AK4: variants seen among roughly 807,000 people sequenced by gnomAD.
AK4 encodes adenylate kinase 4, mitochondrial.
A neutral mutation model predicts 24.6 loss-of-function variants in AK4; 13 were observed. That is an observed-to-expected ratio of 0.53 (90% CI 0.34 to 0.84). The LOEUF (loss-of-function observed/expected upper bound fraction) is 0.84, where lower values mean the gene tolerates loss of function less well. AK4 is among the 40% of genes least tolerant of loss of function. The probability of loss-of-function intolerance (pLI) is 0.01; values close to 1 mark genes in which losing one functional copy is unlikely to be tolerated. For missense variants in AK4, 192 were observed against 288.2 expected (o/e 0.67, Z 2.42); for synonymous variants, 88 against 107.0 (o/e 0.82, Z 1.10).
At chr1:65,216,469 C>G (rs79505121) in intron 2 of AK4, among the ~76,000 whole-genome samples, 511 of 152,272 alleles carry the variant, frequency 3.4e-3, no homozygotes, top group Middle Eastern at 0.014. Context: ...CCCTCCCTGC[C>G]TCCCGCTTCC....
intron 3 of AK4, among the ~76,000 whole-genome samples, chr1:65,219,740 T>C (rs2101086875): frequency 6.6e-6 from 1 of 152,324 alleles, no homozygotes; most frequent in Non-Finnish European, 1.5e-5. Flanking sequence ...ATAGAAAAGT[T>C]ATTAACTAAA....
chr1:65,172,097 A>G (rs1262677417), intron 1 of AK4, among the ~76,000 whole-genome samples: 1 of 101,298 alleles, frequency 9.9e-6, no homozygotes, highest in South Asian at 3.1e-4. Flanking sequence ...ATATATATAT[A>G]TATATATTTA....
intron 2 of AK4, among the ~76,000 whole-genome samples, chr1:65,201,907 G>A (rs948765917): frequency 6.6e-6 from 1 of 152,178 alleles, no homozygotes; most frequent in Non-Finnish European, 1.5e-5. Flanking sequence ...GGTAACCCTG[G>A]AGCTAAAAAT....
chr1:65,222,896 A>AG (rs1652339055), intron 3 of AK4, among the ~76,000 whole-genome samples: 1 of 152,122 alleles, frequency 6.6e-6, no homozygotes. Flanking sequence ...GGTGAGTAAT[A>AG]GTCATGGATG....
intron 1 of AK4, among the ~76,000 whole-genome samples, chr1:65,179,444 T>G (rs1650826680): frequency 6.6e-6 from 1 of 152,224 alleles, no homozygotes; most frequent in Non-Finnish European, 1.5e-5. Context: ...GCAAGTTACT[T>G]AATCTCTCTG....
At chr1:65,204,179 TA>T (rs1385898452) in intron 2 of AK4, among the ~76,000 whole-genome samples, 5 of 151,566 alleles carry the variant, frequency 3.3e-5, no homozygotes, top group Non-Finnish European at 5.9e-5. Context: ...TTATATGCTT[TA>T]AAAAAGTATT....
At position 65,176,338 on chromosome 1, in the gene AK4, A is replaced by G. The variant is rs561284607; in HGVS notation, c.146-14372A>G. ...GTACAAAATTAGACTAAGTGAATAT[A>G]AATATCCAGTCTGGCTAGAGAGAAA... On this transcript the variant is annotated intron_variant, in intron 1 of 4. Coordinates refer to ENST00000327299, the MANE Select transcript of AK4 (RefSeq NM_013410.4). Among the ~76,000 whole-genome samples the G allele has an allele frequency of 7.9e-5, 12 of 152,282 alleles. No homozygotes were observed. The South Asian group carries it at 2.1e-3, about 26-fold the overall frequency.
At chr1:65,202,200 G>A (rs1016184170) in intron 2 of AK4, among the ~76,000 whole-genome samples, 8 of 148,678 alleles carry the variant, frequency 5.4e-5, no homozygotes, top group South Asian at 2.2e-4. Context: ...GATTGAGACC[G>A]TCCTGGCTAA....
chr1:65,225,507 G>A (rs1308501540), intron 4 of AK4, among the ~76,000 whole-genome samples: 1 of 151,998 alleles, frequency 6.6e-6, no homozygotes, highest in Non-Finnish European at 1.5e-5. Flanking sequence ...TGTGTGAGGG[G>A]GAATCTCAGT....
intron 1 of AK4, among the ~76,000 whole-genome samples, chr1:65,173,372 C>T (rs959682126): frequency 6.6e-6 from 1 of 152,092 alleles, no homozygotes; most frequent in Non-Finnish European, 1.5e-5. Context: ...CTTTATATAC[C>T]GAATTAGAAA....
intron 4 of AK4, 21 bp from the exon 5 acceptor site, chr1:65,226,042 A>T: frequency 6.2e-7 from 1 of 1,610,986 alleles, no homozygotes; most frequent in Non-Finnish European, 8.5e-7. Context: ...AAGCCATTGT[A>T]TGTTGGGCTT....
chr1:65,154,202 G>C (rs1570058660), intron 1 of AK4, among the ~76,000 whole-genome samples: 1 of 152,160 alleles, frequency 6.6e-6, no homozygotes, highest in East Asian at 1.9e-4. Flanking sequence ...GAGAAATAAA[G>C]GGATTTGGGA....
At chr1:65,188,787 A>AT in intron 1 of AK4, among the ~76,000 whole-genome samples, 1 of 129,612 alleles carries the variant, frequency 7.7e-6, no homozygotes, top group East Asian at 2.4e-4. Context: ...CTACTTATAT[A>AT]TTTTTTTGAG....
At chr1:65,169,407 T>C (rs997113134) in intron 1 of AK4, among the ~76,000 whole-genome samples, 2 of 152,176 alleles carry the variant, frequency 1.3e-5, no homozygotes, top group South Asian at 4.1e-4. Flanking sequence ...TGTGGTTGTA[T>C]TTAAGAGTGT....
intron 1 of AK4, among the ~76,000 whole-genome samples, chr1:65,181,400 C>CT (rs111683862): frequency 0.013 from 1,892 of 142,440 alleles, 20 homozygotes; most frequent in East Asian, 0.05. Flanking sequence ...AGAATTAAGC[C>CT]TTTTTTTTTT....
intron 2 of AK4, among the ~76,000 whole-genome samples, chr1:65,209,065 T>A (rs1349193390): frequency 6.6e-6 from 1 of 152,236 alleles, no homozygotes; most frequent in Non-Finnish European, 1.5e-5. Context: ...TGGAAGAAAT[T>A]TAAAAATATA....
intron 1 of AK4, among the ~76,000 whole-genome samples, chr1:65,181,828 A>G (rs1650919804): frequency 6.6e-6 from 1 of 152,256 alleles, no homozygotes; most frequent in African/African-American, 2.4e-5. Context: ...AGAAGATCAC[A>G]GATGACTTCT....
At chr1:65,219,769 C>T (rs748870516) in intron 3 of AK4, among the ~76,000 whole-genome samples, 3 of 152,046 alleles carry the variant, frequency 2.0e-5, no homozygotes, top group South Asian at 2.1e-4. Flanking sequence ...TTTGCATTGA[C>T]GTTTTCGTTT....
Position 65,182,102 on chromosome 1 carries a change from A to T in AK4, c.146-8608A>T, listed in dbSNP as rs1050073857. 3.3e-5 allele frequency among the ~76,000 whole-genome samples: 5 copies of T among 151,996 alleles called. 1 individual carries two copies. The South Asian group carries it at 8.3e-4, about 25-fold the overall frequency. On this transcript the variant is annotated intron_variant, in intron 1 of 4. Transcript: ENST00000327299. ...GACTAATTTTACATTTTTTATAGAG[A>T]TGGGGTCTTGTTATTAATATGTTGC...
Sources: gnomAD v4.1 joint callset for allele counts (sites outside exome capture counted in the v4.1 genomes callset) on GRCh38, gnomAD v4.1.1 for gene constraint, MANE v1.5 for transcripts, NCBI Gene and HGNC (gene_info 2026-07-23, HGNC 2026-07-21) for gene names.